The following SEMA4F variants were observed in gnomAD, a reference collection of about 807,000 sequenced individuals.
SEMA4F encodes the protein semaphorin-4F.
A neutral mutation model predicts 78.4 loss-of-function variants in SEMA4F; 51 were observed. That is an observed-to-expected ratio of 0.65 (90% confidence interval 0.52 to 0.82). The LOEUF (loss-of-function observed/expected upper bound fraction) is 0.82. Among genes scored for constraint, SEMA4F ranks in the 40% least tolerant of loss-of-function variants. The pLI, the probability that SEMA4F is intolerant of heterozygous loss-of-function variation, is 0.00. For missense variants in SEMA4F, 938 were observed against 1,014.4 expected (o/e 0.92, Z 1.02); for synonymous variants, 418 against 408.7 (o/e 1.02, Z -0.27).
chr2:74,679,757 G>A lies in SEMA4F; in HGVS notation c.1861G>A (p.Gly621Arg). Residue 621 changes from glycine to arginine, a missense_variant, in exon 14 of 14, where the codon GGG (glycine) becomes AGG (arginine). By Grantham distance (125) the Gly-to-Arg change is moderately radical. Transcript: ENST00000357877. ...TGGACTGGAGGTGGTGGTGACCCCA[G>A]GGGCCATGGGCGCTTATGCCTGTGA... is the stretch of plus-strand genomic sequence containing the variant. The part of the protein sequence containing the change: ...RDGLEVVVTP[G>R]AMGAYACECQ... 1 of 1,614,174 alleles carries A rather than the reference G, an allele frequency of 6.2e-7. No individual in the cohort carries two copies. The highest frequency in any genetic ancestry group is 8.5e-7 in the Non-Finnish European group (1 of 1,180,020).
chr2:74,685,613 A>G (rs1343070036), downstream of SEMA4F, among the ~76,000 whole-genome samples: 1 of 152,088 alleles, frequency 6.6e-6, no homozygotes, highest in Non-Finnish European at 1.5e-5. Context: ...AGGAAATGGG[A>G]TACTATGATT....
In SEMA4F at chr2:74,656,561, C is replaced by G. The variant is rs775052431; in HGVS notation, c.173C>G (p.Ala58Gly). 2.5e-6 allele frequency: 4 copies of G among 1,614,090 alleles called. No individual in the cohort carries two copies. The highest frequency in any genetic ancestry group is 2.5e-6 in the Non-Finnish European group (3 of 1,179,940). ...SEADSCLTRF[A>G]VPHTYNYSVL... is the part of the protein sequence containing the mutation. ...GCTGACTCCTGTCTCACCCGGTTCG[C>G]AGTCCCTCACACATACAATTACTCT... Residue 58 changes from alanine to glycine, a missense_variant, in exon 2 of 14, where the codon GCA becomes GGA. By Grantham distance (60) the Ala-to-Gly change is moderately conservative (BLOSUM62 0). Coordinates refer to ENST00000357877, the MANE Select transcript of SEMA4F (RefSeq NM_004263.5).
chr2:74,674,698 G>A (rs1685168559), intron 8 of SEMA4F, 22 bp downstream of exon 8: 7 of 1,611,332 alleles, frequency 4.3e-6, no homozygotes, highest in Non-Finnish European at 5.9e-6. Context: ...TGGTGTGGAG[G>A]AGAGTTACAG....
chr2:74,668,525 T>C (rs948393040), intron 5 of SEMA4F, among the ~76,000 whole-genome samples: 1 of 151,724 alleles, frequency 6.6e-6, no homozygotes, highest in Non-Finnish European at 1.5e-5. Flanking sequence ...ACTTTTTGAG[T>C]AGGAGCTATC....
rs762347613 is a variant in SEMA4F at position 74,679,955 on chromosome 2, C to G, written c.2059C>G (p.Arg687Gly). ...TCTGATTGGTCGGCGTCAGCAGCGA[C>G]GGCGACAGAGGGAACTTCTGGCTAG... ...LILIGRRQQR[R>G]RQRELLARDK... Residue 687 changes from arginine to glycine, a missense_variant, in exon 14 of 14, where the codon CGG (arginine) becomes GGG (glycine). Physicochemically the swap from Arg to Gly is moderately radical, Grantham distance 125. Coordinates refer to ENST00000357877, the MANE Select transcript of SEMA4F (RefSeq NM_004263.5). 2 of 1,614,116 alleles carry G rather than the reference C, an allele frequency of 1.2e-6. No individual in the cohort carries two copies. The highest frequency in any genetic ancestry group is 2.2e-5 in the South Asian group (2 of 91,094).
Position 74,657,853 on chromosome 2 carries a change from G to C in SEMA4F, c.358G>C (p.Asp120His), listed in dbSNP as rs1249648153. 2 of 1,613,836 alleles carry C rather than the reference G, an allele frequency of 1.2e-6. No individual in the cohort carries two copies. The highest frequency in any genetic ancestry group is 1.7e-6 in the Non-Finnish European group (2 of 1,179,804). ...QNCRKKGKKE[D>H]ECHNFVQILA... Reference sequence around the variant, plus strand: ...CTTTCTAACCGTCTCTGACCCCCAGGACGAATGTCACAATTTTGTCCAGAT... The same window carrying C: ...CTTTCTAACCGTCTCTGACCCCCAGCACGAATGTCACAATTTTGTCCAGAT... Residue 120 changes from aspartate (D) to histidine (H), a missense_variant and splice_region_variant, in exon 4 of 14, where the codon GAC becomes CAC. Physicochemically the swap from Asp to His is moderately conservative, Grantham distance 81. Transcript: ENST00000357877.
chr2:74,695,047 A>G, the SEMA4F span, among the ~76,000 whole-genome samples: 1 of 152,180 alleles, frequency 6.6e-6, no homozygotes, highest in Non-Finnish European at 1.5e-5. Context: ...GATACTGAGG[A>G]CTGTGATAGC....
At chr2:74,659,611 A>G (rs983554931) in intron 4 of SEMA4F, among the ~76,000 whole-genome samples, 2 of 152,156 alleles carry the variant, frequency 1.3e-5, no homozygotes, top group Non-Finnish European at 2.9e-5. Context: ...TTGAAGGAGA[A>G]TATAGAGACT....
chr2:74,690,972 T>C, the SEMA4F span, among the ~76,000 whole-genome samples: 1 of 152,226 alleles, frequency 6.6e-6, no homozygotes, highest in Non-Finnish European at 1.5e-5. Context: ...CTTTATTCCT[T>C]TCTGTAGAAC....
In SEMA4F at chr2:74,673,741, C is replaced by T. The variant is rs760643344; in HGVS notation, c.735C>T (p.Asp245=). 9.3e-6 allele frequency: 15 copies of T among 1,614,018 alleles called. No homozygotes were observed. Among genetic ancestry groups the T allele is most frequent in the African/African-American group, 4.0e-5 (3 of 74,912 alleles). ...AATGGGGGGATGAAGATGGAGACGACGAAATCTACTTCTTCTTTACGGAGA... is the reference window on the plus strand; with the variant it reads ...AATGGGGGGATGAAGATGGAGACGATGAAATCTACTTCTTCTTTACGGAGA... ...PAEWGDEDGD[D]EIYFFFTETS... Residue 245 remains aspartate (D), a synonymous_variant, in exon 7 of 14, where the codon GAC becomes GAT. Transcript: ENST00000357877.
chr2:74,669,604 A>AACG (rs1378866180), intron 5 of SEMA4F, among the ~76,000 whole-genome samples: 4 of 152,092 alleles, frequency 2.6e-5, no homozygotes, highest in African/African-American at 9.7e-5. Flanking sequence ...CAACAACAAC[A>AACG]ACAACAACAA....
the SEMA4F span, among the ~76,000 whole-genome samples, chr2:74,704,190 C>A: frequency 6.6e-6 from 1 of 151,658 alleles, no homozygotes; most frequent in Non-Finnish European, 1.5e-5. Context: ...ATAATTGGGG[C>A]CTTAGATGAG....
chr2:74,699,967 A>C, the SEMA4F span, among the ~76,000 whole-genome samples: 1 of 152,020 alleles, frequency 6.6e-6, no homozygotes, highest in Admixed American at 6.6e-5. Flanking sequence ...GCCATTTGTG[A>C]TTAGGGTGGG....
At chr2:74,695,481 C>T in the SEMA4F span, among the ~76,000 whole-genome samples, 6 of 152,316 alleles carry the variant, frequency 3.9e-5, no homozygotes, top group East Asian at 1.2e-3. Context: ...TCCATATCCT[C>T]TACCCATGGA....
intron 2 of SEMA4F, 118 bp from the exon 3 acceptor site, chr2:74,657,447 G>C: frequency 1.2e-6 from 1 of 845,626 alleles, no homozygotes; most frequent in Non-Finnish European, 2.0e-6. Flanking sequence ...CAATGCTCTA[G>C]GGGGACTTTT....
chr2:74,670,869 A>G (rs1684947185), intron 5 of SEMA4F, among the ~76,000 whole-genome samples: 1 of 152,218 alleles, frequency 6.6e-6, no homozygotes, highest in Non-Finnish European at 1.5e-5. Flanking sequence ...AGGGAATGGA[A>G]TATCTTTGTA....
the SEMA4F span, among the ~76,000 whole-genome samples, chr2:74,691,374 C>T: frequency 2.6e-5 from 4 of 152,178 alleles, no homozygotes; most frequent in Non-Finnish European, 5.9e-5. Flanking sequence ...GGTGTGCAGC[C>T]TTCAGAGGTC....
At chr2:74,707,485 T>A in the SEMA4F span, among the ~76,000 whole-genome samples, 8 of 143,930 alleles carry the variant, frequency 5.6e-5, no homozygotes, top group Non-Finnish European at 8.9e-5. Context: ...GCAGCTTTTA[T>A]GAAAGTTTTT....
chr2:74,664,848 T>G (rs1684600571), intron 5 of SEMA4F, among the ~76,000 whole-genome samples: 1 of 152,232 alleles, frequency 6.6e-6, no homozygotes, highest in Non-Finnish European at 1.5e-5. Context: ...CCTTTGTGAT[T>G]GTATATAATT....
Sources: gnomAD v4.1 joint callset for allele counts (sites outside exome capture counted in the v4.1 genomes callset) on GRCh38, gnomAD v4.1.1 for gene constraint, MANE v1.5 for transcripts, NCBI Gene and HGNC (gene_info 2026-07-23, HGNC 2026-07-21) for gene names.